The following LPP variants were observed in gnomAD, a reference collection of about 807,000 sequenced individuals.
LPP encodes LIM domain containing preferred translocation partner in lipoma.
Under a neutral mutation model 60.4 loss-of-function variants are expected in LPP, and 38 were observed. The ratio of observed to expected loss-of-function variants is 0.63; its 90% CI spans 0.49 to 0.83. The LOEUF (loss-of-function observed/expected upper bound fraction) is 0.83. LPP is among the 40% of genes least tolerant of loss of function. The pLI is 0.00. For synonymous variants in LPP, 328 were observed against 290.8 expected (o/e 1.13, Z -1.30); for missense variants, 902 against 783.6 (o/e 1.15, Z -1.80).
chr3:188,745,753 A>G (rs1725950924), intron 8 of LPP, among the ~76,000 whole-genome samples: 1 of 152,150 alleles, frequency 6.6e-6, no homozygotes, highest in Non-Finnish European at 1.5e-5. Flanking sequence ...CCAGGCAATC[A>G]CCACTCCCCT....
intron 3 of LPP, among the ~76,000 whole-genome samples, chr3:188,396,453 G>A (rs1423541887): frequency 1.3e-5 from 2 of 152,154 alleles, no homozygotes; most frequent in Non-Finnish European, 2.9e-5. Context: ...GTGTTTACAT[G>A]TTTTAATACA....
chr3:188,371,986 C>T (rs7627712), intron 3 of LPP, among the ~76,000 whole-genome samples: 1,679 of 149,062 alleles, frequency 0.011, 29 homozygotes, highest in African/African-American at 0.039. Flanking sequence ...AGGGCTTTTT[C>T]TTTTCTTTTT....
At chr3:188,472,520 A>G (rs1257804781) in intron 4 of LPP, 1 of 152,218 alleles carries the variant, frequency 6.6e-6, no homozygotes, top group Non-Finnish European at 1.5e-5. Flanking sequence ...AAGGAGAGTG[A>G]GTAATGGTTG....
At chr3:188,655,369 A>G (rs1019748323) in intron 7 of LPP, among the ~76,000 whole-genome samples, 4 of 152,212 alleles carry the variant, frequency 2.6e-5, no homozygotes, top group African/African-American at 9.6e-5. Context: ...CAGAAAAAAA[A>G]GTAGAATTAT....
At chr3:188,306,227 T>C (rs1267119659) in intron 2 of LPP, among the ~76,000 whole-genome samples, 1 of 151,292 alleles carries the variant, frequency 6.6e-6, no homozygotes, top group Non-Finnish European at 1.5e-5. Context: ...ATTGCAGGTG[T>C]GCACCACCAT....
intron 10 of LPP, among the ~76,000 whole-genome samples, chr3:188,867,811 A>G (rs1017875644): frequency 1.3e-5 from 2 of 152,116 alleles, no homozygotes; most frequent in South Asian, 2.1e-4. Flanking sequence ...TATCCATTCT[A>G]TGGCTTCCAA....
intron 8 of LPP, among the ~76,000 whole-genome samples, chr3:188,721,511 A>G (rs1716377864): frequency 6.6e-6 from 1 of 152,152 alleles, no homozygotes; most frequent in South Asian, 2.1e-4. Context: ...CCGTGATTGC[A>G]CCACCGCACT....
intron 1 of LPP, chr3:188,180,379 C>T (rs552267167): frequency 2.9e-4 from 45 of 154,722 alleles, no homozygotes; most frequent in African/African-American, 1.1e-3. Flanking sequence ...TGGTCCCACT[C>T]TCTTGCAGCC....
At chr3:188,386,259 TGC>T (rs59109159) in intron 3 of LPP, among the ~76,000 whole-genome samples, 25,766 of 125,028 alleles carry the variant, frequency 0.21, 2,435 homozygotes, top group Middle Eastern at 0.26. Flanking sequence ...AGTCATAGCA[TGC>T]GCGCACACAC....
intron 9 of LPP, among the ~76,000 whole-genome samples, chr3:188,792,829 T>C (rs1181175623): frequency 6.6e-6 from 1 of 152,170 alleles, no homozygotes; most frequent in African/African-American, 2.4e-5. Context: ...TGGGAGGCAC[T>C]GCATTTAAGT....
At chr3:188,814,029 G>A (rs1480551862) in intron 9 of LPP, among the ~76,000 whole-genome samples, 9 of 152,100 alleles carry the variant, frequency 5.9e-5, no homozygotes, top group Non-Finnish European at 1.2e-4. Flanking sequence ...CCGAGATTGT[G>A]CCACTGCCCT....
Position 188,406,110 on chromosome 3 carries a change from A to G in LPP, c.-9-2A>G. On this transcript the variant is annotated splice_acceptor_variant, in intron 3 of 11. Transcript: ENST00000617246. LOFTEE classifies it low-confidence loss of function (5UTR_SPLICE). ...AAAAACAGTGTTTCTTTTTCATTGC[A>G]GATTCCAACAATGTCTCACCCATCT... 6.2e-7 allele frequency: 1 copy of G among 1,604,636 alleles called. No homozygotes were observed. The highest frequency in any genetic ancestry group is 8.5e-7 in the Non-Finnish European group (1 of 1,175,830).
At chr3:188,651,849 C>G (rs1852152420) in intron 7 of LPP, among the ~76,000 whole-genome samples, 1 of 152,178 alleles carries the variant, frequency 6.6e-6, no homozygotes, top group African/African-American at 2.4e-5. Flanking sequence ...CAAACCTTAT[C>G]AGTGTGTTTA....
At chr3:188,795,769 C>T (rs1415899308) in intron 9 of LPP, among the ~76,000 whole-genome samples, 4 of 152,064 alleles carry the variant, frequency 2.6e-5, no homozygotes, top group East Asian at 1.9e-4. Flanking sequence ...TTTTCCAAAT[C>T]GAATTTTGTG....
At chr3:188,668,322 T>C (rs1856242610) in intron 7 of LPP, among the ~76,000 whole-genome samples, 1 of 152,184 alleles carries the variant, frequency 6.6e-6, no homozygotes. Context: ...CAATGTACAA[T>C]AGGAAATCAT....
At chr3:188,742,331 G>C (rs929166234) in intron 8 of LPP, among the ~76,000 whole-genome samples, 1 of 151,914 alleles carries the variant, frequency 6.6e-6, no homozygotes, top group African/African-American at 2.4e-5. Flanking sequence ...TTACACAAAG[G>C]CTTGTACACA....
intron 1 of LPP, among the ~76,000 whole-genome samples, chr3:188,171,258 A>G (rs145424379): frequency 5.9e-4 from 90 of 152,126 alleles, no homozygotes; most frequent in African/African-American, 2.0e-3. Context: ...GTATGAGGAA[A>G]CTCCTGCAGT....
chr3:188,243,021 G>T (rs531045163), intron 2 of LPP, among the ~76,000 whole-genome samples: 1 of 152,172 alleles, frequency 6.6e-6, no homozygotes, highest in Non-Finnish European at 1.5e-5. Context: ...TTTAGGCCCT[G>T]AATGTGAGTA....
At chr3:188,434,273 A>G (rs1791756639) in intron 4 of LPP, among the ~76,000 whole-genome samples, 1 of 152,188 alleles carries the variant, frequency 6.6e-6, no homozygotes, top group Admixed American at 6.5e-5. Flanking sequence ...TATATTGTCA[A>G]TGTAATATTA....
Sources: allele counts gnomAD v4.1 joint callset (sites outside exome capture counted in the v4.1 genomes callset), GRCh38; gene constraint gnomAD v4.1.1; transcripts MANE v1.5; gene names NCBI Gene and HGNC (gene_info 2026-07-23, HGNC 2026-07-21).